The following DLG2 variants were observed in gnomAD, a reference collection of about 807,000 sequenced individuals.
The protein encoded by DLG2 is disks large homolog 2.
A neutral mutation model predicts 132.5 loss-of-function variants in DLG2; 45 were observed. The ratio of observed to expected loss-of-function variants is 0.34; its 90% CI spans 0.27 to 0.44. The LOEUF (loss-of-function observed/expected upper bound fraction) is 0.44, where lower values mean the gene tolerates loss of function less well. DLG2 is among the 20% of genes least tolerant of loss of function. The pLI is 1.00. For missense variants in DLG2, 1,045 were observed against 1,196.9 expected (o/e 0.87, Z 1.87); for synonymous variants, 424 against 419.6 (o/e 1.01, Z -0.13).
chr11:85,352,360 G>A (rs937476748), intron 3 of DLG2, among the ~76,000 whole-genome samples: 24 of 152,070 alleles, frequency 1.6e-4, no homozygotes, highest in African/African-American at 5.6e-4. Context: ...CAGAAAACCA[G>A]CTCCTGGATT....
At chr11:84,416,014 A>G (rs1057464953) in intron 7 of DLG2, among the ~76,000 whole-genome samples, 3 of 152,134 alleles carry the variant, frequency 2.0e-5, no homozygotes, top group South Asian at 2.1e-4. Flanking sequence ...CAAACTAATC[A>G]TTGGCTTCTT....
At chr11:83,839,244 A>T (rs1457954903) in intron 16 of DLG2, among the ~76,000 whole-genome samples, 1 of 152,204 alleles carries the variant, frequency 6.6e-6, no homozygotes, top group African/African-American at 2.4e-5. Context: ...GAAGATTTAA[A>T]TGCCTTTTTT....
chr11:83,619,741 T>A (rs945034625), intron 19 of DLG2, among the ~76,000 whole-genome samples: 1 of 152,100 alleles, frequency 6.6e-6, no homozygotes, highest in Non-Finnish European at 1.5e-5. Flanking sequence ...AGAAAAGTTA[T>A]CTTATGAACA....
At chr11:83,723,453 C>A (rs2153688499) in intron 18 of DLG2, among the ~76,000 whole-genome samples, 1 of 152,126 alleles carries the variant, frequency 6.6e-6, no homozygotes, top group African/African-American at 2.4e-5. Flanking sequence ...CGAAGGAGGC[C>A]AACTGCCTAG....
chr11:85,217,316 T>TCACA (rs71895547), intron 4 of DLG2, among the ~76,000 whole-genome samples: 15,938 of 138,126 alleles, frequency 0.12, 1,077 homozygotes, highest in Non-Finnish European at 0.15. Flanking sequence ...TCTCTCTCTC[T>TCACA]CTCACACACA....
intron 4 of DLG2, among the ~76,000 whole-genome samples, chr11:85,277,974 G>GGCTCACAACGACCT (rs1413117700): frequency 6.6e-6 from 1 of 152,124 alleles, no homozygotes; most frequent in Non-Finnish European, 1.5e-5. Context: ...AACCTTCTGT[G>GGCTCACAACGACCT]GCTCACAACG....
At chr11:83,608,142 A>G (rs921927227) in intron 19 of DLG2, among the ~76,000 whole-genome samples, 1 of 152,228 alleles carries the variant, frequency 6.6e-6, no homozygotes, top group African/African-American at 2.4e-5. Flanking sequence ...ATTGTGTCCA[A>G]ATAAACCCAC....
At chr11:85,407,569 A>T (rs1241120634) in intron 3 of DLG2, among the ~76,000 whole-genome samples, 1 of 151,872 alleles carries the variant, frequency 6.6e-6, no homozygotes, top group Non-Finnish European at 1.5e-5. Flanking sequence ...CAAGAATTTG[A>T]GTGCAATTTG....
intron 9 of DLG2, among the ~76,000 whole-genome samples, chr11:84,144,629 G>A (rs1175839605): frequency 1.3e-5 from 2 of 152,098 alleles, no homozygotes; most frequent in Non-Finnish European, 2.9e-5. Flanking sequence ...AGAATAACAT[G>A]AGGAGATAAC....
At chr11:84,420,815 T>C (rs1038104244) in intron 7 of DLG2, among the ~76,000 whole-genome samples, 114 of 151,776 alleles carry the variant, frequency 7.5e-4, no homozygotes, top group African/African-American at 2.1e-3. Flanking sequence ...ACTACAGGCG[T>C]GCGCCACCAC....
chr11:84,103,888 G>A (rs984325859), intron 9 of DLG2, among the ~76,000 whole-genome samples: 5 of 151,286 alleles, frequency 3.3e-5, no homozygotes, highest in Admixed American at 6.6e-5. Context: ...ATGTTGTACC[G>A]ACAATGATTT....
intron 7 of DLG2, among the ~76,000 whole-genome samples, chr11:84,516,292 T>C (rs1418940081): frequency 6.6e-6 from 1 of 151,502 alleles, no homozygotes; most frequent in Non-Finnish European, 1.5e-5. Flanking sequence ...AACTAAGTTG[T>C]TTTTTGAAAA....
intron 3 of DLG2, among the ~76,000 whole-genome samples, chr11:85,572,319 G>A (rs975443262): frequency 1.3e-5 from 2 of 152,062 alleles, no homozygotes; most frequent in African/African-American, 2.4e-5. Context: ...GAACACTGTT[G>A]TTGCAAGGCT....
intron 7 of DLG2, among the ~76,000 whole-genome samples, chr11:84,424,949 C>A (rs2098961700): frequency 6.6e-6 from 1 of 151,978 alleles, no homozygotes; most frequent in South Asian, 2.1e-4. Context: ...GAAAAACTGG[C>A]ATATTGTTTA....
At chr11:83,975,053 AC>A (rs1377187734) in intron 12 of DLG2, among the ~76,000 whole-genome samples, 2 of 152,096 alleles carry the variant, frequency 1.3e-5, no homozygotes, top group African/African-American at 4.8e-5. Flanking sequence ...TCAACTAATA[AC>A]TAATGCTGTC....
chr11:84,462,942 G>GT (rs2099084401), intron 7 of DLG2, among the ~76,000 whole-genome samples: 1 of 151,210 alleles, frequency 6.6e-6, no homozygotes, highest in Non-Finnish European at 1.5e-5. Context: ...TTTTAACAAC[G>GT]TAAGAGCTAG....
intron 3 of DLG2, among the ~76,000 whole-genome samples, chr11:85,581,022 TG>T (rs1293867531): frequency 2.0e-5 from 3 of 152,020 alleles, no homozygotes; most frequent in Middle Eastern, 3.4e-3. Flanking sequence ...GGTCCACTAA[TG>T]GGGGGGCACC....
intron 9 of DLG2, among the ~76,000 whole-genome samples, chr11:84,110,674 A>ACC: frequency 6.6e-6 from 1 of 152,158 alleles, no homozygotes; most frequent in Non-Finnish European, 1.5e-5. Context: ...AAAAGGCCCC[A>ACC]CCTGAGTAGC....
At chr11:84,376,416 G>C (rs1012679346) in intron 7 of DLG2, among the ~76,000 whole-genome samples, 9 of 151,754 alleles carry the variant, frequency 5.9e-5, no homozygotes, top group African/African-American at 2.2e-4. Context: ...TGACCTTAAA[G>C]GATAAACAGG....
Sources: allele counts gnomAD v4.1 joint callset (sites outside exome capture counted in the v4.1 genomes callset), GRCh38; gene constraint gnomAD v4.1.1; transcripts MANE v1.5; gene names NCBI Gene and HGNC (gene_info 2026-07-23, HGNC 2026-07-21).